HPSE2: variants seen among roughly 807,000 people sequenced by gnomAD.
HPSE2 encodes the protein inactive heparanase-2.
A neutral mutation model predicts 60.5 loss-of-function variants in HPSE2; 38 were observed. The ratio of observed to expected loss-of-function variants is 0.63; its 90% CI spans 0.48 to 0.82. The LOEUF is 0.82. Among genes scored for constraint, HPSE2 ranks in the 40% least tolerant of loss-of-function variants. The pLI is 0.00. For synonymous variants in HPSE2, 295 were observed against 293.2 expected (o/e 1.01, Z -0.06); for missense variants, 713 against 740.4 (o/e 0.96, Z 0.43).
At chr10:98,733,073 A>C (rs1354376710) in intron 4 of HPSE2, among the ~76,000 whole-genome samples, 1 of 152,116 alleles carries the variant, frequency 6.6e-6, no homozygotes, top group Non-Finnish European at 1.5e-5. Context: ...TTTAATATCT[A>C]TCTCTTCTAT....
chr10:98,834,483 G>A (rs1468229038), intron 3 of HPSE2, among the ~76,000 whole-genome samples: 1 of 152,042 alleles, frequency 6.6e-6, no homozygotes, highest in Non-Finnish European at 1.5e-5. Flanking sequence ...CCATTTAAAA[G>A]AACTGATAGA....
chr10:99,190,270 G>A (rs1848173340), intron 2 of HPSE2, among the ~76,000 whole-genome samples: 1 of 152,170 alleles, frequency 6.6e-6, no homozygotes, highest in Non-Finnish European at 1.5e-5. Context: ...TGGGTTAGAT[G>A]TCTTTACTTC....
At chr10:98,530,717 T>C (rs1273859314) in intron 9 of HPSE2, among the ~76,000 whole-genome samples, 2 of 152,164 alleles carry the variant, frequency 1.3e-5, no homozygotes, top group Non-Finnish European at 2.9e-5. Context: ...CTGTAGTGTA[T>C]ACACAGCATC....
intron 9 of HPSE2, among the ~76,000 whole-genome samples, chr10:98,572,902 G>T (rs2133901879): frequency 6.6e-6 from 1 of 152,326 alleles, no homozygotes; most frequent in East Asian, 1.9e-4. Flanking sequence ...ACTAGGAACT[G>T]ACTGTGTGCC....
At chr10:99,191,499 T>A (rs1252429899) in intron 2 of HPSE2, among the ~76,000 whole-genome samples, 1 of 152,168 alleles carries the variant, frequency 6.6e-6, no homozygotes, top group Non-Finnish European at 1.5e-5. Context: ...TTCTCCTGGA[T>A]CTTACCCAAG....
chr10:98,766,564 T>C (rs1424643283), intron 3 of HPSE2, among the ~76,000 whole-genome samples: 1 of 152,042 alleles, frequency 6.6e-6, no homozygotes, highest in Non-Finnish European at 1.5e-5. Flanking sequence ...AATTCACAAA[T>C]GTAAGGAAAA....
At chr10:98,744,182 TA>T (rs1197007997) in intron 3 of HPSE2, 126 bp from the exon 4 acceptor site, 9 of 868,752 alleles carry the variant, frequency 1.0e-5, no homozygotes, top group Non-Finnish European at 1.5e-5. Context: ...GACAGGCTTC[TA>T]AAAGGGACTA....
At chr10:99,254,805 T>G in the HPSE2 span, among the ~76,000 whole-genome samples, 1 of 152,176 alleles carries the variant, frequency 6.6e-6, no homozygotes, top group African/African-American at 2.4e-5. Context: ...AAGTGAAAGA[T>G]GTCAGTCACA....
intron 3 of HPSE2, among the ~76,000 whole-genome samples, chr10:99,120,250 T>TA (rs563338754): frequency 3.3e-4 from 50 of 151,938 alleles, no homozygotes; most frequent in African/African-American, 1.2e-3. Context: ...ATTTACGATT[T>TA]AAAAAAACCA....
At chr10:98,664,914 A>C (rs1010683704) in intron 6 of HPSE2, among the ~76,000 whole-genome samples, 11 of 152,132 alleles carry the variant, frequency 7.2e-5, no homozygotes, top group African/African-American at 2.2e-4. Flanking sequence ...AAAAGAATAT[A>C]ATAGCCACCC....
intron 9 of HPSE2, among the ~76,000 whole-genome samples, chr10:98,517,736 C>G (rs6584212): frequency 0.77 from 116,517 of 152,138 alleles, 49,321 homozygotes; most frequent in East Asian, 0.96. Flanking sequence ...AAAAGCATGG[C>G]GTTTGGAGTC....
rs539734213 is a variant in HPSE2 at position 98,714,900 on chromosome 10, G to A, written c.956+6757C>T. The stretch of plus-strand genomic sequence containing the variant: ...TTTAGTGGATGTGAGGTGGTATCTC[G>A]CTGTGGTTTTGATTAGCATTTCCCT... On this transcript the variant is annotated intron_variant, in intron 5 of 11. Coordinates refer to ENST00000370552, the MANE Select transcript of HPSE2 (RefSeq NM_021828.5). 9.9e-5 allele frequency among the ~76,000 whole-genome samples: 15 copies of A among 151,698 alleles called. 1 individual carries two copies. Among genetic ancestry groups the A allele is most frequent in the South Asian group, 2.1e-4 (1 of 4,810 alleles).
the HPSE2 span, among the ~76,000 whole-genome samples, chr10:99,306,798 C>T: frequency 6.6e-6 from 1 of 152,184 alleles, no homozygotes; most frequent in Non-Finnish European, 1.5e-5. Context: ...CAACCTCCAC[C>T]TCCCAGGTTC....
intron 3 of HPSE2, among the ~76,000 whole-genome samples, chr10:99,007,063 C>T (rs1190779011): frequency 1.3e-5 from 2 of 151,758 alleles, no homozygotes; most frequent in Non-Finnish European, 2.9e-5. Context: ...CTGGGGCAGG[C>T]CTGAAGCCTG....
At chr10:99,020,328 C>T (rs554926639) in intron 3 of HPSE2, among the ~76,000 whole-genome samples, 6 of 152,132 alleles carry the variant, frequency 3.9e-5, no homozygotes, top group Admixed American at 2.0e-4. Flanking sequence ...AACTATTCAA[C>T]GAATGTATAG....
chr10:98,604,169 C>T (rs1945512797), intron 9 of HPSE2, among the ~76,000 whole-genome samples: 1 of 152,050 alleles, frequency 6.6e-6, no homozygotes, highest in Admixed American at 6.6e-5. Flanking sequence ...TTAGACATGG[C>T]AGGGATGCTG....
chr10:99,220,282 T>TA (rs554884708), intron 2 of HPSE2, among the ~76,000 whole-genome samples: 18 of 148,648 alleles, frequency 1.2e-4, no homozygotes, highest in Admixed American at 5.4e-4. Flanking sequence ...ACTTCTTGTT[T>TA]AAAAAAAAAA....
intron 3 of HPSE2, among the ~76,000 whole-genome samples, chr10:98,994,464 T>C (rs912869896): frequency 5.3e-5 from 8 of 152,022 alleles, no homozygotes; most frequent in Admixed American, 3.9e-4. Flanking sequence ...CCAGGGAGAA[T>C]GGGACCCTTC....
intron 2 of HPSE2, among the ~76,000 whole-genome samples, chr10:99,164,526 A>G (rs943832381): frequency 2.6e-5 from 4 of 151,832 alleles, no homozygotes; most frequent in Admixed American, 2.0e-4. Context: ...CTTTTGTTGG[A>G]GAATAATATT....
Sources: allele counts gnomAD v4.1 joint callset (sites outside exome capture counted in the v4.1 genomes callset), GRCh38; gene constraint gnomAD v4.1.1; transcripts MANE v1.5; gene names NCBI Gene and HGNC (gene_info 2026-07-23, HGNC 2026-07-21).